The following UBE2E1 variants were observed in gnomAD, a reference collection of about 807,000 sequenced individuals.
The protein encoded by UBE2E1 is ubiquitin-conjugating enzyme E2 E1.
Under a neutral mutation model 21.4 loss-of-function variants are expected in UBE2E1, and 6 were observed. The observed-to-expected ratio is 0.28, with a 90% CI of 0.15 to 0.55. UBE2E1 has a LOEUF of 0.55. Ranked by LOEUF, UBE2E1 falls within the 20% of genes least tolerant of loss-of-function variation. The pLI is 0.93. For synonymous variants in UBE2E1, 87 were observed against 82.7 expected (o/e 1.05, Z -0.28); for missense variants, 142 against 236.5 (o/e 0.60, Z 2.62).
At chr3:23,851,401 T>C (rs1253772028) in intron 3 of UBE2E1, among the ~76,000 whole-genome samples, 1 of 152,234 alleles carries the variant, frequency 6.6e-6, no homozygotes, top group Non-Finnish European at 1.5e-5. Context: ...AATTTTAGGA[T>C]CCGCTTGTCA....
At chr3:23,821,761 G>A (rs1400720341) in intron 3 of UBE2E1, among the ~76,000 whole-genome samples, 4 of 152,222 alleles carry the variant, frequency 2.6e-5, no homozygotes, top group Non-Finnish European at 4.4e-5. Flanking sequence ...AGGGCCGTAG[G>A]GCGCGTGTGT....
At chr3:23,822,095 T>A (rs1378768963) in intron 3 of UBE2E1, among the ~76,000 whole-genome samples, 1 of 151,610 alleles carries the variant, frequency 6.6e-6, no homozygotes, top group Non-Finnish European at 1.5e-5. Flanking sequence ...ATCAAGAGAG[T>A]GTGGTATTAG....
chr3:23,833,492 A>C (rs1699911147), intron 3 of UBE2E1, among the ~76,000 whole-genome samples: 1 of 152,258 alleles, frequency 6.6e-6, no homozygotes, highest in African/African-American at 2.4e-5. Flanking sequence ...GATACAAATA[A>C]ACACTGATTC....
chr3:23,825,181 A>G (rs1699728844), intron 3 of UBE2E1, among the ~76,000 whole-genome samples: 1 of 152,146 alleles, frequency 6.6e-6, no homozygotes, highest in Non-Finnish European at 1.5e-5. Flanking sequence ...TCAGGCCTGC[A>G]TGGTTGTCAG....
At position 23,845,207 on chromosome 3, in the gene UBE2E1, A is replaced by C. The variant is rs549572455; in HGVS notation, c.203+33697A>C. ...CAAATCTTGACAATAAACTAAAGCA[A>C]ATTTTATGTGAAATTAAAATTTTCT... is the stretch of plus-strand genomic sequence containing the variant. On this transcript the variant is annotated intron_variant, in intron 3 of 5. Transcript: ENST00000306627. Among the ~76,000 whole-genome samples the C allele has an allele frequency of 2.9e-3, 441 of 152,274 alleles. 1 individual carries two copies. The highest frequency in any genetic ancestry group is 0.01 in the Middle Eastern group (3 of 294).
intron 3 of UBE2E1, among the ~76,000 whole-genome samples, chr3:23,821,102 G>A (rs890655007): frequency 2.6e-5 from 4 of 152,234 alleles, no homozygotes; most frequent in Admixed American, 2.6e-4. Context: ...GCATTGTTCT[G>A]TAGGTGACTA....
At chr3:23,860,373 CT>C (rs1176604680) in intron 3 of UBE2E1, among the ~76,000 whole-genome samples, 1 of 152,180 alleles carries the variant, frequency 6.6e-6, no homozygotes. Flanking sequence ...GGTATGCTTC[CT>C]TGTGGCTTTG....
chr3:23,826,729 T>C (rs1378355960), intron 3 of UBE2E1, among the ~76,000 whole-genome samples: 2 of 152,338 alleles, frequency 1.3e-5, no homozygotes, highest in African/African-American at 4.8e-5. Flanking sequence ...TTCATAGTTT[T>C]TTGTTATGAT....
Position 23,842,247 on chromosome 3 carries a change from GT to G in UBE2E1, c.203+30738del, listed in dbSNP as rs1700108746. Among the ~76,000 whole-genome samples the G allele has an allele frequency of 2.6e-4, 5 of 19,144 alleles. No individual in the cohort carries two copies. Among genetic ancestry groups the G allele is most frequent in the Admixed American group, 1.4e-3 (2 of 1,416 alleles). The allele number at this position is 19,144 out of a possible 152,430, so 12.6% of individuals were successfully genotyped here. ...TGTGTGTGTGTGTGTGTGTGTGTGT[GT>G]GGTGTTGTTGTTGTTGGCGACAGGG... On this transcript the variant is annotated intron_variant, in intron 3 of 5. Transcript: ENST00000306627. The surrounding 1 kb of genome is among the most constrained non-coding windows in gnomAD (Gnocchi z 4.6).
chr3:23,876,066 C>T lies in UBE2E1; in HGVS notation c.204-11501C>T, dbSNP rs1050581774. ...GATTACAGGCGTGAGCCACTGTGCC[C>T]AGCCAAATATGTGAATTCTTGTGTG... On this transcript the variant is annotated intron_variant, in intron 3 of 5. Coordinates refer to ENST00000306627, the MANE Select transcript of UBE2E1 (RefSeq NM_003341.5). The surrounding 1 kb of genome is among the most constrained non-coding windows in gnomAD (Gnocchi z 4.3). Among the ~76,000 whole-genome samples the T allele has an allele frequency of 2.0e-5, 3 of 152,208 alleles. No individual in the cohort carries two copies. Among genetic ancestry groups the T allele is most frequent in the African/African-American group, 7.2e-5 (3 of 41,458 alleles).
intron 3 of UBE2E1, among the ~76,000 whole-genome samples, chr3:23,835,694 A>C (rs753636236): frequency 2.6e-5 from 4 of 152,210 alleles, no homozygotes; most frequent in Admixed American, 6.5e-5. Flanking sequence ...TATTCAAAAT[A>C]AAAAGTGAAT....
intron 3 of UBE2E1, among the ~76,000 whole-genome samples, chr3:23,861,977 A>G (rs546114933): frequency 6.6e-6 from 1 of 152,372 alleles, no homozygotes; most frequent in East Asian, 1.9e-4. Flanking sequence ...GAAGCCGCCT[A>G]TGGACGGCTA....
chr3:23,845,573 C>G (rs971788392), intron 3 of UBE2E1, among the ~76,000 whole-genome samples: 1 of 74,498 alleles, frequency 1.3e-5, no homozygotes, highest in Non-Finnish European at 2.8e-5. Flanking sequence ...CTCTCTCTCT[C>G]TCTCTCTCTC....
intron 3 of UBE2E1, among the ~76,000 whole-genome samples, chr3:23,886,527 T>TAATA (rs1474265338): frequency 2.0e-4 from 31 of 152,332 alleles, no homozygotes; most frequent in African/African-American, 6.7e-4. Context: ...TTTTCCTTTG[T>TAATA]AATAAGCTCA....
rs1553637704 is a variant in UBE2E1 at position 23,842,198 on chromosome 3, G to GGGGTGTGTGTGT, written c.203+30689_203+30690insGGTGTGTGTGTG. Among the ~76,000 whole-genome samples the GGGGTGTGTGTGT allele has an allele frequency of 9.2e-4, 96 of 104,352 alleles. 1 individual carries two copies. Among genetic ancestry groups the GGGGTGTGTGTGT allele is most frequent in the South Asian group, 4.4e-3 (13 of 2,928 alleles). The allele number at this position is 104,352 out of a possible 152,430, so 68.5% of individuals were successfully genotyped here. A position where few individuals can be genotyped will look rare whatever the true frequency, so the allele number is the denominator to read the frequency against. On this transcript the variant is annotated intron_variant, in intron 3 of 5. Transcript: ENST00000306627. The surrounding 1 kb of genome is among the most constrained non-coding windows in gnomAD (Gnocchi z 4.6). ...TATGTCATGACCCAGTAAGTGAAGG[G>GGGGTGTGTGTGT]GTGTGTGTGTGTGTGTGTGTGTGTG...
Position 23,887,869 on chromosome 3 carries a change from C to A in UBE2E1, c.336+170C>A. Reference sequence around the variant, plus strand: ...CTTCTTTAGGTTGATTTTGCCTTATCTGGCAGAGACCATTCTAGGATTAAG... The same window carrying A: ...CTTCTTTAGGTTGATTTTGCCTTATATGGCAGAGACCATTCTAGGATTAAG... On this transcript the variant is annotated intron_variant, in intron 4 of 5. Transcript: ENST00000306627. The surrounding 1 kb of genome is among the most constrained non-coding windows in gnomAD (Gnocchi z 4.4). The A allele has an allele frequency of 2.4e-6, 2 of 845,572 alleles. No individual in the cohort carries two copies. Among genetic ancestry groups the A allele is most frequent in the Non-Finnish European group, 3.5e-6 (2 of 571,956 alleles). 52.4% of individuals were successfully genotyped at this position (845,572 alleles called of 1,614,324 possible). A position where few individuals can be genotyped will look rare whatever the true frequency, so the allele number is the denominator to read the frequency against.
chr3:23,812,838 T>C (rs1025223823), intron 3 of UBE2E1, among the ~76,000 whole-genome samples: 1 of 152,188 alleles, frequency 6.6e-6, no homozygotes, highest in Non-Finnish European at 1.5e-5. Context: ...AAGGTGGTTC[T>C]GTGCTGTCTA....
Position 23,868,658 on chromosome 3 carries a change from T to A in UBE2E1, c.204-18909T>A, listed in dbSNP as rs541592575. Among the ~76,000 whole-genome samples, 199 of 152,260 alleles carry A rather than the reference T, an allele frequency of 1.3e-3. No homozygotes were observed. In the Middle Eastern group the frequency reaches 0.02, roughly 16 times the overall value. On this transcript the variant is annotated intron_variant, in intron 3 of 5. Coordinates refer to ENST00000306627, the MANE Select transcript of UBE2E1 (RefSeq NM_003341.5). ...TTTCTACATTAATAGGTAGATTAGA[T>A]TCCATCTCTTCTACCTTTATTTTGT... is the stretch of plus-strand genomic sequence containing the variant.
rs116060260 is a variant in UBE2E1, at chr3:23,888,082, C to T, written c.336+383C>T. ...GCTACTTGGGAGGATTGTTTGAGCC[C>T]AAGAGTTTGAGTCCAGTCTGGGCAA... On this transcript the variant is annotated intron_variant, in intron 4 of 5. Transcript: ENST00000306627. Among the ~76,000 whole-genome samples, 1,262 of 152,140 alleles carry T rather than the reference C, an allele frequency of 8.3e-3. 18 individuals carry two copies. Among genetic ancestry groups the T allele is most frequent in the African/African-American group, 0.029 (1,183 of 41,484 alleles).
Sources: allele counts gnomAD v4.1 joint callset (sites outside exome capture counted in the v4.1 genomes callset), GRCh38; gene constraint gnomAD v4.1.1; non-coding constraint Gnocchi (gnomAD v3.1); transcripts MANE v1.5; gene names NCBI Gene and HGNC (gene_info 2026-07-23, HGNC 2026-07-21).